Variants in BRD10 observed in about 807,000 individuals in gnomAD.
BRD10 encodes uncharacterized bromodomain-containing protein 10.
chr9:5,900,315 T>C, the BRD10 span, among the ~76,000 whole-genome samples: 1 of 152,184 alleles, frequency 6.6e-6, no homozygotes, highest in African/African-American at 2.4e-5. Context: ...TTTCTGAGAC[T>C]TTTTATTGAG....
the BRD10 span, chr9:6,007,704 G>C: frequency 1.2e-6 from 2 of 1,608,020 alleles, no homozygotes; most frequent in African/African-American, 1.3e-5. Flanking sequence ...CCTCCTCCTC[G>C]TCGTCCTCTC....
chr9:5,893,691 C>T, the BRD10 span, among the ~76,000 whole-genome samples: 1 of 152,144 alleles, frequency 6.6e-6, no homozygotes, highest in South Asian at 2.1e-4. Context: ...TTAAAATATA[C>T]TTTTATGTCT....
chr9:5,944,912 C>T, the BRD10 span: 4 of 1,545,062 alleles, frequency 2.6e-6, no homozygotes, highest in Non-Finnish European at 3.5e-6. Flanking sequence ...AGTTCATTCT[C>T]GATTTTTGTG....
the BRD10 span, among the ~76,000 whole-genome samples, chr9:5,916,547 C>G: frequency 6.7e-6 from 1 of 148,806 alleles, no homozygotes; most frequent in East Asian, 2.0e-4. Context: ...ATATATAAAA[C>G]TAATCACTAT....
chr9:6,004,997 C>T, the BRD10 span, among the ~76,000 whole-genome samples: 6 of 152,148 alleles, frequency 3.9e-5, no homozygotes, highest in Non-Finnish European at 8.8e-5. Flanking sequence ...CTTTTTGCTA[C>T]TAAAATAGCA....
the BRD10 span, among the ~76,000 whole-genome samples, chr9:5,915,573 A>G: frequency 2.6e-5 from 4 of 152,220 alleles, no homozygotes; most frequent in South Asian, 8.3e-4. Context: ...TTCAAATTCA[A>G]CTGCTGTGTT....
chr9:5,961,358 A>C, the BRD10 span, among the ~76,000 whole-genome samples: 5 of 152,214 alleles, frequency 3.3e-5, no homozygotes, highest in Admixed American at 6.5e-5. Context: ...GGTAATGAGG[A>C]AAGGGCTATT....
At chr9:5,897,155 G>T in the BRD10 span, among the ~76,000 whole-genome samples, 1 of 152,230 alleles carries the variant, frequency 6.6e-6, no homozygotes, top group Non-Finnish European at 1.5e-5. Flanking sequence ...TAGTAGATGA[G>T]TCAGTGTTAA....
At chr9:5,968,619 C>T in the BRD10 span, 4 of 1,613,836 alleles carry the variant, frequency 2.5e-6, no homozygotes, top group Non-Finnish European at 3.4e-6. Flanking sequence ...TTTTCCTGCT[C>T]TTTCTTGAAG....
the BRD10 span, among the ~76,000 whole-genome samples, chr9:5,937,047 T>A: frequency 6.6e-6 from 1 of 151,378 alleles, no homozygotes; most frequent in Non-Finnish European, 1.5e-5. Flanking sequence ...CTGGCAAATA[T>A]AGTGAACCCC....
At chr9:5,998,121 A>G in the BRD10 span, among the ~76,000 whole-genome samples, 2 of 152,136 alleles carry the variant, frequency 1.3e-5, no homozygotes, top group African/African-American at 4.8e-5. Context: ...AAAAAAAAGA[A>G]AAGTTCTGTT....
the BRD10 span, among the ~76,000 whole-genome samples, chr9:5,993,553 T>C: frequency 6.6e-6 from 1 of 152,228 alleles, no homozygotes; most frequent in South Asian, 2.1e-4. Context: ...CAGAGAACTA[T>C]TTTACCACTC....
chr9:5,968,675 G>C, the BRD10 span: 3 of 1,613,740 alleles, frequency 1.9e-6, no homozygotes, highest in South Asian at 3.3e-5. Context: ...TCCATTACTT[G>C]TACTAACATA....
chr9:5,932,486 C>T, the BRD10 span, among the ~76,000 whole-genome samples: 1 of 151,910 alleles, frequency 6.6e-6, no homozygotes, highest in Non-Finnish European at 1.5e-5. Flanking sequence ...GTCATTATTC[C>T]CTAGACAATA....
chr9:5,980,082 A>G, the BRD10 span, among the ~76,000 whole-genome samples: 1 of 152,150 alleles, frequency 6.6e-6, no homozygotes, highest in Non-Finnish European at 1.5e-5. Context: ...TGTTTAATAA[A>G]CAAGGTATAC....
chr9:5,925,076 T>C, the BRD10 span, among the ~76,000 whole-genome samples: 1 of 152,148 alleles, frequency 6.6e-6, no homozygotes, highest in African/African-American at 2.4e-5. Context: ...TATATGTATC[T>C]GGCCAGGCAT....
chr9:5,964,606 C>T, the BRD10 span, among the ~76,000 whole-genome samples: 4 of 138,900 alleles, frequency 2.9e-5, no homozygotes, highest in Admixed American at 7.3e-5. Context: ...CACATGCACA[C>T]GTATGTTTAT....
chr9:5,938,213 G>A, the BRD10 span, among the ~76,000 whole-genome samples: 1 of 152,186 alleles, frequency 6.6e-6, no homozygotes, highest in Non-Finnish European at 1.5e-5. Context: ...GGCTAAGGCA[G>A]GAGGATCAAT....
chr9:5,917,904 G>A, the BRD10 span, among the ~76,000 whole-genome samples: 1 of 152,212 alleles, frequency 6.6e-6, no homozygotes, highest in Non-Finnish European at 1.5e-5. Context: ...TGGGATTAAA[G>A]TTGGGCCATA....
Sources: gnomAD v4.1 joint callset for allele counts (sites outside exome capture counted in the v4.1 genomes callset) on GRCh38, gnomAD v4.1.1 for gene constraint, MANE v1.5 for transcripts, NCBI Gene and HGNC (gene_info 2026-07-23, HGNC 2026-07-21) for gene names.